Variants in SPATS2 observed in about 807,000 individuals in gnomAD.
The protein encoded by SPATS2 is spermatogenesis-associated serine-rich protein 2.
In SPATS2, 38 loss-of-function variants were observed where a neutral mutation model predicts 63.7. That is an observed-to-expected ratio of 0.60 (90% confidence interval 0.46 to 0.78). SPATS2 has a LOEUF of 0.78. Among genes scored for constraint, SPATS2 ranks in the 30% least tolerant of loss-of-function variants. The pLI is 0.00. For missense variants in SPATS2, 588 were observed against 666.2 expected (o/e 0.88, Z 1.29); for synonymous variants, 207 against 232.9 (o/e 0.89, Z 1.01).
intron 2 of SPATS2, among the ~76,000 whole-genome samples, chr12:49,428,833 T>C (rs1945129185): frequency 6.6e-6 from 1 of 152,208 alleles, no homozygotes; most frequent in Non-Finnish European, 1.5e-5. Context: ...GCCTAATAGC[T>C]GCCTCCAATC....
chr12:49,436,705 C>T (rs1331361096), intron 2 of SPATS2, among the ~76,000 whole-genome samples: 2 of 144,060 alleles, frequency 1.4e-5, no homozygotes, highest in South Asian at 2.2e-4. Flanking sequence ...CCCTCACCTC[C>T]CGGATGGGGC....
In SPATS2 at chr12:49,464,527, T is replaced by C. The variant is rs370724605; in HGVS notation, c.25+3490T>C. On this transcript the variant is annotated intron_variant, in intron 3 of 13. Transcript: ENST00000552918. ...CTGTAATCCCAGCTACTCAGGAGGC[T>C]GAGGCAGGAGAATCGCTTGAACCCG... Among the ~76,000 whole-genome samples, 69 of 149,064 alleles carry C rather than the reference T, an allele frequency of 4.6e-4. No individual in the cohort carries two copies. The South Asian group carries it at 0.012, about 26-fold the overall frequency.
At chr12:49,451,899 G>T (rs910841035) in intron 2 of SPATS2, among the ~76,000 whole-genome samples, 1 of 152,148 alleles carries the variant, frequency 6.6e-6, no homozygotes, top group African/African-American at 2.4e-5. Flanking sequence ...TTGGTTGCTG[G>T]TTTTTTCTTT....
chr12:49,486,183 C>G, intron 4 of SPATS2: 1 of 448,796 alleles, frequency 2.2e-6, no homozygotes, highest in Non-Finnish European at 4.4e-6. Context: ...AGTTTGGTGC[C>G]TTTTGTTGTT....
intron 2 of SPATS2, among the ~76,000 whole-genome samples, chr12:49,439,031 GT>G (rs1442056568): frequency 6.6e-6 from 1 of 152,186 alleles, no homozygotes; most frequent in Non-Finnish European, 1.5e-5. Context: ...AAAACACAGG[GT>G]AAAGGAATAG....
chr12:49,392,539 C>A (rs1261291355), intron 2 of SPATS2, among the ~76,000 whole-genome samples: 2 of 151,786 alleles, frequency 1.3e-5, no homozygotes, highest in Non-Finnish European at 2.9e-5. Flanking sequence ...ATGGCGAAAC[C>A]CTGTCTTTAC....
intron 9 of SPATS2, among the ~76,000 whole-genome samples, chr12:49,510,812 T>C (rs77039435): frequency 9.2e-5 from 14 of 152,262 alleles, no homozygotes; most frequent in South Asian, 2.1e-4. Context: ...ATGTTAGATA[T>C]CTGTATATTA....
intron 2 of SPATS2, among the ~76,000 whole-genome samples, chr12:49,453,174 A>AAAG (rs1006490801): frequency 2.6e-5 from 4 of 151,974 alleles, no homozygotes; most frequent in African/African-American, 9.7e-5. Flanking sequence ...AAAAAAAAAA[A>AAAG]AAAGAAATTT....
chr12:49,496,918 T>C lies in SPATS2; in HGVS notation c.612T>C (p.Asn204=), dbSNP rs1378528946. The change falls in exon 8 of 14, where the codon AAT becomes AAC. Residue 204 remains asparagine (N), a synonymous_variant. Transcript: ENST00000552918. ...TTCACAATTCTCAACAACCCAGGAA[T>C]GCTGCCAAATCTCTCTCAAGACCTA... The part of the protein sequence containing the change: ...HSIHNSQQPR[N]AAKSLSRPTT... 2 of 1,613,254 alleles carry C rather than the reference T, an allele frequency of 1.2e-6. No homozygotes were observed. The highest frequency in any genetic ancestry group is 1.7e-6 in the Non-Finnish European group (2 of 1,179,772).
At chr12:49,495,199 A>G (rs750271829) in intron 7 of SPATS2, among the ~76,000 whole-genome samples, 197 bp downstream of exon 7, 2 of 151,958 alleles carry the variant, frequency 1.3e-5, no homozygotes, top group Admixed American at 6.6e-5. Context: ...AAAAAATACA[A>G]TTCTTTTTTT....
chr12:49,454,631 C>T (rs979555257), intron 2 of SPATS2, among the ~76,000 whole-genome samples: 3 of 152,142 alleles, frequency 2.0e-5, no homozygotes, highest in African/African-American at 7.2e-5. Flanking sequence ...GCCTGTCATC[C>T]CAGCACTTTG....
chr12:49,456,309 T>C (rs1246056458), intron 2 of SPATS2, among the ~76,000 whole-genome samples: 1 of 152,152 alleles, frequency 6.6e-6, no homozygotes, highest in Non-Finnish European at 1.5e-5. Context: ...TGAGGAAGTA[T>C]TCCATGTAGA....
rs199537085 is a variant in SPATS2, at chr12:49,378,261, G to GTTTATTTTATTTTATTTTATTTTAT, written c.-244+6993_-244+7017dup. 7.3e-4 allele frequency among the ~76,000 whole-genome samples: 106 copies of GTTTATTTTATTTTATTTTATTTTAT among 144,218 alleles called. 1 individual carries two copies. Among genetic ancestry groups the GTTTATTTTATTTTATTTTATTTTAT allele is most frequent in the South Asian group, 2.5e-3 (11 of 4,488 alleles). The allele number at this position is 144,218 out of a possible 152,430, so 94.6% of individuals were successfully genotyped here. A position where few individuals can be genotyped will look rare whatever the true frequency, so the allele number is the denominator to read the frequency against. ...GCTGGGATATTTATTTTGAGTTAATGTTTATTTTATTTTATTTTATTTTAT... is the reference window on the plus strand; with the variant it reads ...GCTGGGATATTTATTTTGAGTTAATGTTTATTTTATTTTATTTTATTTTATTTTATTTTATTTTATTTTATTTTAT... On this transcript the variant is annotated intron_variant, in intron 2 of 13. Transcript: ENST00000552918.
intron 2 of SPATS2, among the ~76,000 whole-genome samples, chr12:49,391,162 G>A (rs1944411321): frequency 6.6e-6 from 1 of 152,208 alleles, no homozygotes; most frequent in Admixed American, 6.5e-5. Context: ...AGCTGAAAGC[G>A]GGGGTAGAGG....
intron 2 of SPATS2, among the ~76,000 whole-genome samples, chr12:49,397,521 AG>A (rs1944531818): frequency 6.6e-6 from 1 of 152,132 alleles, no homozygotes; most frequent in African/African-American, 2.4e-5. Context: ...GCATATTATA[AG>A]TGCTCAATAA....
chr12:49,480,546 G>A (rs904252854), intron 3 of SPATS2, among the ~76,000 whole-genome samples: 1 of 152,038 alleles, frequency 6.6e-6, no homozygotes, highest in Admixed American at 6.5e-5. Context: ...CTTGTTCACC[G>A]TTGTATCCTA....
At chr12:49,495,751 TTTAAG>T (rs1330019542) in intron 7 of SPATS2, among the ~76,000 whole-genome samples, 117 of 152,150 alleles carry the variant, frequency 7.7e-4, no homozygotes, top group Non-Finnish European at 2.6e-4. Context: ...AGAAGGTGAC[TTTAAG>T]TTGTTTTTTA....
intron 2 of SPATS2, among the ~76,000 whole-genome samples, chr12:49,444,963 A>G (rs1004769394): frequency 6.6e-6 from 1 of 152,206 alleles, no homozygotes; most frequent in Non-Finnish European, 1.5e-5. Context: ...CTAATGTTTT[A>G]GTCCTTAGCA....
At position 49,526,477 on chromosome 12, in the gene SPATS2, A is replaced by C. The variant is rs971113233; in HGVS notation, c.*222A>C. On this transcript the variant is annotated 3_prime_UTR_variant, in exon 14 of 14. Transcript: ENST00000552918. ...GATCTTTCCCAGTGATATGGATTGA[A>C]TCTGGTTGGTCATTTCCACCAGGAA... is the stretch of plus-strand genomic sequence containing the variant. The C allele has an allele frequency of 1.7e-6, 1 of 587,942 alleles. No homozygotes were observed. Among genetic ancestry groups the C allele is most frequent in the African/African-American group, 1.9e-5 (1 of 53,326 alleles). The allele number at this position is 587,942 out of a possible 1,614,324, so 36.4% of individuals were successfully genotyped here.
Sources: allele counts gnomAD v4.1 joint callset (sites outside exome capture counted in the v4.1 genomes callset), GRCh38; gene constraint gnomAD v4.1.1; transcripts MANE v1.5; gene names NCBI Gene and HGNC (gene_info 2026-07-23, HGNC 2026-07-21).